The following SLC22A3 variants were observed in gnomAD, a reference collection of about 807,000 sequenced individuals.
SLC22A3 encodes EMT organic cation transporter 3.
SLC22A3 carries 51 observed loss-of-function variants against 59.1 expected under a neutral mutation model. The observed-to-expected ratio is 0.86, with a 90% CI of 0.69 to 1.09. The LOEUF is 1.09. Among genes scored for constraint, SLC22A3 ranks in the 50% least tolerant of loss-of-function variants. The pLI is 0.00. For synonymous variants in SLC22A3, 325 were observed against 292.0 expected (o/e 1.11, Z -1.15); for missense variants, 711 against 726.3 (o/e 0.98, Z 0.24).
intron 1 of SLC22A3, among the ~76,000 whole-genome samples, chr6:160,377,275 A>G (rs1785630314): frequency 6.6e-6 from 1 of 152,142 alleles, no homozygotes; most frequent in African/African-American, 2.4e-5. Flanking sequence ...ACTTGAGGTC[A>G]GGAGTTCGAG....
At position 160,348,929 on chromosome 6, in the gene SLC22A3, T is replaced by C. The variant is rs1784569259; in HGVS notation, c.429+81T>C. The stretch of plus-strand genomic sequence containing the variant: ...GGCGGACAAGCCGCGTGTGAGACGC[T>C]GGCCGCCAGGGGAGGTCGGTGGAGA... On this transcript the variant is annotated intron_variant, in intron 1 of 10. Transcript: ENST00000275300. 2.0e-6 allele frequency: 3 copies of C among 1,532,064 alleles called. 1 individual carries two copies. Among genetic ancestry groups the C allele is most frequent in the South Asian group, 2.4e-5 (2 of 83,650 alleles). 94.9% of individuals were successfully genotyped at this position (1,532,064 alleles called of 1,614,324 possible).
At chr6:160,382,192 T>C (rs1269156333) in intron 1 of SLC22A3, among the ~76,000 whole-genome samples, 1 of 152,144 alleles carries the variant, frequency 6.6e-6, no homozygotes, top group African/African-American at 2.4e-5. Context: ...CCTGAATCCA[T>C]GTGCACGTTG....
intron 1 of SLC22A3, among the ~76,000 whole-genome samples, chr6:160,362,349 C>A (rs1389108695): frequency 2.0e-5 from 3 of 152,260 alleles, no homozygotes; most frequent in Non-Finnish European, 4.4e-5. Context: ...CTTCTGTCTT[C>A]AAGGAGCACT....
At chr6:160,385,815 C>T (rs142265766) in intron 1 of SLC22A3, among the ~76,000 whole-genome samples, 180 of 152,320 alleles carry the variant, frequency 1.2e-3, no homozygotes, top group Non-Finnish European at 2.2e-3. Flanking sequence ...AAAACTTCCC[C>T]AAGTATTGAG....
rs1333767656 is a variant in SLC22A3 at position 160,407,198 on chromosome 6, A to G, written c.688+3A>G. On this transcript the variant is annotated splice_donor_region_variant and intron_variant, in intron 3 of 10. Transcript: ENST00000275300. ...GTGGATGACTTGCTACGTGATTGGT[A>G]AGACATTCTTACACCATCTTCTCTA... 1.2e-6 allele frequency: 2 copies of G among 1,604,216 alleles called. No homozygotes were observed. Among genetic ancestry groups the G allele is most frequent in the Non-Finnish European group, 8.5e-7 (1 of 1,175,924 alleles).
chr6:160,377,016 A>G (rs61131294), intron 1 of SLC22A3, among the ~76,000 whole-genome samples: 32,147 of 152,070 alleles, frequency 0.21, 3,570 homozygotes, highest in Admixed American at 0.31. Context: ...ACTCCATCAC[A>G]TCCAACACCT....
chr6:160,348,665 G>A lies in SLC22A3; in HGVS notation c.246G>A (p.Glu82=). ...NRTAPASRGP[E]PPERRGRCQR... ...CGGCGCCCGCCTCCCGCGGCCCAGAGCCCCCCGAGCGCCGCGGCCGCTGCC... is the reference window on the plus strand; with the variant it reads ...CGGCGCCCGCCTCCCGCGGCCCAGAACCCCCCGAGCGCCGCGGCCGCTGCC... Residue 82 remains glutamate, a synonymous_variant, in exon 1 of 11, where the codon GAG becomes GAA. Transcript: ENST00000275300. 6.6e-7 allele frequency: 1 copy of A among 1,507,280 alleles called. No individual in the cohort carries two copies. The highest frequency in any genetic ancestry group is 8.8e-7 in the Non-Finnish European group (1 of 1,135,978). The allele number at this position is 1,507,280 out of a possible 1,614,324, so 93.4% of individuals were successfully genotyped here.
chr6:160,377,330 C>T (rs921984513), intron 1 of SLC22A3, among the ~76,000 whole-genome samples: 5 of 151,784 alleles, frequency 3.3e-5, no homozygotes, highest in African/African-American at 9.7e-5. Flanking sequence ...ACTAAAAATA[C>T]GAAAATTAGC....
intron 1 of SLC22A3, among the ~76,000 whole-genome samples, chr6:160,384,400 G>GTGGATTAAAAATT (rs1785915206): frequency 6.6e-6 from 1 of 152,146 alleles, no homozygotes; most frequent in African/African-American, 2.4e-5. Context: ...TTTTTACTCA[G>GTGGATTAAAAATT]AATGTGGATA....
At chr6:160,439,981 C>A (rs1424851290) in intron 7 of SLC22A3, among the ~76,000 whole-genome samples, 1 of 152,202 alleles carries the variant, frequency 6.6e-6, no homozygotes, top group Non-Finnish European at 1.5e-5. Flanking sequence ...GGGGAGAATA[C>A]AGATGAGCTT....
At chr6:160,425,495 C>T (rs978094837) in intron 5 of SLC22A3, among the ~76,000 whole-genome samples, 3 of 152,110 alleles carry the variant, frequency 2.0e-5, no homozygotes, top group Non-Finnish European at 4.4e-5. Context: ...TTTCTCTAAT[C>T]CTCTATAATT....
intron 5 of SLC22A3, among the ~76,000 whole-genome samples, chr6:160,416,953 G>A (rs1787520985): frequency 6.6e-6 from 1 of 152,206 alleles, no homozygotes; most frequent in Non-Finnish European, 1.5e-5. Context: ...AGTAGACTTG[G>A]TCTATTGGTG....
chr6:160,392,376 A>G (rs986666), intron 1 of SLC22A3, among the ~76,000 whole-genome samples: 128,000 of 152,210 alleles, frequency 0.84, 54,399 homozygotes, highest in East Asian at 1. Flanking sequence ...TTTGTTTGAA[A>G]TTATCTTACA....
At chr6:160,361,104 C>T (rs889912675) in intron 1 of SLC22A3, among the ~76,000 whole-genome samples, 14 of 152,150 alleles carry the variant, frequency 9.2e-5, no homozygotes, top group Admixed American at 2.6e-4. Flanking sequence ...TGACTCCACC[C>T]AGGGGAACAT....
At chr6:160,449,425 T>G (rs1788868507) in intron 10 of SLC22A3, among the ~76,000 whole-genome samples, 1 of 152,096 alleles carries the variant, frequency 6.6e-6, no homozygotes, top group South Asian at 2.1e-4. Flanking sequence ...ATACCTAGTC[T>G]CTATACATGA....
At chr6:160,359,886 A>G (rs1253825566) in intron 1 of SLC22A3, among the ~76,000 whole-genome samples, 1 of 152,216 alleles carries the variant, frequency 6.6e-6, no homozygotes, top group Admixed American at 6.5e-5. Flanking sequence ...ATTTGTAAAC[A>G]GAGTCCAAGA....
chr6:160,366,921 G>A (rs1256578917), intron 1 of SLC22A3, among the ~76,000 whole-genome samples: 1 of 152,124 alleles, frequency 6.6e-6, no homozygotes. Flanking sequence ...AGCCCTCCAA[G>A]TCTCTAGGAA....
intron 1 of SLC22A3, among the ~76,000 whole-genome samples, chr6:160,373,959 T>C (rs573158393): frequency 1.3e-5 from 2 of 152,260 alleles, no homozygotes; most frequent in East Asian, 3.9e-4. Context: ...AGGGGTGGGA[T>C]TCACTGAGTT....
At chr6:160,408,316 T>A (rs1787104821) in intron 3 of SLC22A3, among the ~76,000 whole-genome samples, 1 of 152,244 alleles carries the variant, frequency 6.6e-6, no homozygotes, top group African/African-American at 2.4e-5. Flanking sequence ...TAGAGTCTTA[T>A]ATTTATAATG....
Sources: gnomAD v4.1 joint callset for allele counts (sites outside exome capture counted in the v4.1 genomes callset) on GRCh38, gnomAD v4.1.1 for gene constraint, MANE v1.5 for transcripts, NCBI Gene and HGNC (gene_info 2026-07-23, HGNC 2026-07-21) for gene names.